Variants in VPS13D observed in about 807,000 individuals in gnomAD.
The protein encoded by VPS13D is vacuolar protein sorting 13 homolog D.
VPS13D carries 187 observed loss-of-function variants against 461.9 expected under a neutral mutation model. The observed-to-expected ratio is 0.40, with a 90% CI of 0.36 to 0.46. The LOEUF (loss-of-function observed/expected upper bound fraction) is 0.46, where lower values mean the gene tolerates loss of function less well. Ranked by LOEUF, VPS13D falls within the 20% of genes least tolerant of loss-of-function variation. The probability of loss-of-function intolerance (pLI) is 0.60; values close to 1 mark genes in which losing one functional copy is unlikely to be tolerated. For missense variants in VPS13D, 4,711 were observed against 5,364.9 expected, an observed-to-expected ratio of 0.88 and a Z score of 3.81; for synonymous variants, 1,951 against 1,986.3, an observed-to-expected ratio of 0.98 and a Z score of 0.47.
rs755926287 is a variant in VPS13D, at chr1:12,282,963, A to G, written c.4861A>G (p.Thr1621Ala). ...EVKSFTQIQA[T>A]FCISELQVQL... The stretch of plus-strand genomic sequence containing the variant: ...CAAATCCTTTACTCAGATTCAAGCC[A>G]CCTTTTGTATATCAGAGCTTCAGGT... Residue 1621 changes from threonine to alanine, a missense_variant, in exon 21 of 70, where the codon ACC becomes GCC. Thr to Ala is a moderately conservative substitution (Grantham distance 58). This residue lies in a region of VPS13D where 4,411 missense variants were observed against 4,937.8 expected (regional missense o/e 0.89). Coordinates refer to ENST00000620676, the MANE Select transcript of VPS13D (RefSeq NM_015378.4). The G allele has an allele frequency of 6.2e-7, 1 of 1,614,068 alleles. No individual in the cohort carries two copies. The highest frequency in any genetic ancestry group is 1.1e-5 in the South Asian group (1 of 91,074).
chr1:12,445,484 C>T (rs1326596355), intron 65 of VPS13D, among the ~76,000 whole-genome samples: 1 of 152,164 alleles, frequency 6.6e-6, no homozygotes, highest in Non-Finnish European at 1.5e-5. Context: ...GACACCAGAT[C>T]TGCTGGAAGT....
At position 12,502,074 on chromosome 1, in the gene VPS13D, G is replaced by A. The variant is rs546082067; in HGVS notation, c.12794+4443G>A. On this transcript the variant is annotated intron_variant, in intron 68 of 69. Coordinates refer to ENST00000620676, the MANE Select transcript of VPS13D (RefSeq NM_015378.4). This position sits in a 1 kb window ranked among gnomAD's most constrained non-coding sequence, Gnocchi z 4.3. Reference sequence around the variant, plus strand: ...GCTGAAGGCTGACCTTAGTGGTCATGCCGAGGAGCTTGCCTCTCCTGTAGG... The same window carrying A: ...GCTGAAGGCTGACCTTAGTGGTCATACCGAGGAGCTTGCCTCTCCTGTAGG... Among the ~76,000 whole-genome samples, 2 of 152,328 alleles carry A rather than the reference G, an allele frequency of 1.3e-5. No individual in the cohort carries two copies. The highest frequency in any genetic ancestry group is 2.1e-4 in the South Asian group (1 of 4,828).
At chr1:12,508,755 G>T in intron 69 of VPS13D, 138 bp from the exon 70 acceptor site, 1 of 925,702 alleles carries the variant, frequency 1.1e-6, no homozygotes. Flanking sequence ...AGCAGGAGCA[G>T]CCCTGGCCAT....
At chr1:12,425,323 C>T (rs557640248) in intron 65 of VPS13D, among the ~76,000 whole-genome samples, 30 of 152,004 alleles carry the variant, frequency 2.0e-4, no homozygotes, top group African/African-American at 6.5e-4. Context: ...TTTGGGAAGC[C>T]GAGGCAGGTG....
intron 21 of VPS13D, among the ~76,000 whole-genome samples, chr1:12,288,015 C>T (rs190618944): frequency 1.3e-5 from 2 of 152,302 alleles, no homozygotes; most frequent in Admixed American, 6.5e-5. Context: ...ACCACAGAAA[C>T]TGAAATTTAG....
intron 35 of VPS13D, among the ~76,000 whole-genome samples, chr1:12,326,668 A>G (rs1475654968): frequency 1.3e-5 from 2 of 148,570 alleles, no homozygotes; most frequent in East Asian, 3.9e-4. Flanking sequence ...TTTGAGGCAG[A>G]GTTTTGCTCT....
intron 67 of VPS13D, among the ~76,000 whole-genome samples, chr1:12,467,634 C>A (rs1390407931): frequency 1.3e-5 from 2 of 152,150 alleles, no homozygotes; most frequent in African/African-American, 4.8e-5. Flanking sequence ...AGGCCCCAGA[C>A]GATGCCATTC....
intron 35 of VPS13D, among the ~76,000 whole-genome samples, 179 bp from the exon 36 acceptor site, chr1:12,327,468 AC>A (rs1643220315): frequency 2.3e-5 from 1 of 42,652 alleles, no homozygotes; most frequent in Non-Finnish European, 4.9e-5. Flanking sequence ...ATTCCCTCCC[AC>A]CCCCCACCCC....
intron 32 of VPS13D, among the ~76,000 whole-genome samples, chr1:12,320,485 T>C (rs1447190134): frequency 6.6e-6 from 1 of 152,212 alleles, no homozygotes; most frequent in African/African-American, 2.4e-5. Context: ...ATAAAACTTA[T>C]TTTCACTGTT....
chr1:12,270,951 C>T (rs569991101), intron 16 of VPS13D, 43 bp from the exon 17 acceptor site: 11 of 1,603,858 alleles, frequency 6.9e-6, no homozygotes, highest in African/African-American at 4.0e-5. Flanking sequence ...TTCACCCAGC[C>T]GTGTGAAAAT....
At chr1:12,290,147 CTTCT>C (rs985284424) in intron 22 of VPS13D, among the ~76,000 whole-genome samples, 11 of 152,236 alleles carry the variant, frequency 7.2e-5, no homozygotes, top group African/African-American at 2.4e-4. Flanking sequence ...TCAGTCACGT[CTTCT>C]TTCTTCTTTC....
At position 12,373,095 on chromosome 1, in the gene VPS13D, G is replaced by GGT. The variant is rs1238171794; in HGVS notation, c.10809-655_10809-654insGT. On this transcript the variant is annotated intron_variant, in intron 54 of 69. Transcript: ENST00000620676. ...TTGGTCCCTTGAATTGTCTGGCTTG[G>GGT]TTTTTTTTTTTTTTTTTTTTTTTTT... Among the ~76,000 whole-genome samples the GGT allele has an allele frequency of 7.8e-4, 29 of 37,242 alleles. No homozygotes were observed. In the East Asian group the frequency reaches 0.014, roughly 18 times the overall value. 24.4% of individuals were successfully genotyped at this position (37,242 alleles called of 152,430 possible). A position where few individuals can be genotyped will look rare whatever the true frequency, so the allele number is the denominator to read the frequency against.
intron 69 of VPS13D, among the ~76,000 whole-genome samples, chr1:12,508,667 G>A (rs1481544349): frequency 2.7e-5 from 4 of 150,526 alleles, no homozygotes; most frequent in African/African-American, 9.8e-5. Flanking sequence ...CCAAGATTGC[G>A]CCTAGGCGAC....
At chr1:12,420,918 C>T (rs1208596535) in intron 65 of VPS13D, among the ~76,000 whole-genome samples, 2 of 152,294 alleles carry the variant, frequency 1.3e-5, no homozygotes, top group African/African-American at 4.8e-5. Context: ...AGGGTTTAGT[C>T]ATCTGTGGAT....
intron 10 of VPS13D, 125 bp from the exon 11 acceptor site, chr1:12,260,568 G>T: frequency 1.4e-6 from 1 of 728,872 alleles, no homozygotes. Context: ...TTGGCCTTCA[G>T]TGGAAATGCA....
In VPS13D at chr1:12,435,452, C is replaced by T. The variant is rs1285329551; in HGVS notation, c.12333+18625C>T. Reference sequence around the variant, plus strand: ...TTCCAGCCTGGGTGACAGAGCAGGACCCTGTCTGAACAACAACAACAAAAA... The same window carrying T: ...TTCCAGCCTGGGTGACAGAGCAGGATCCTGTCTGAACAACAACAACAAAAA... On this transcript the variant is annotated intron_variant, in intron 65 of 69. Transcript: ENST00000620676. 2.0e-5 allele frequency among the ~76,000 whole-genome samples: 3 copies of T among 152,074 alleles called. No individual in the cohort carries two copies. In the East Asian group the frequency reaches 5.8e-4, roughly 29 times the overall value.
chr1:12,245,516 G>A (rs1329626476), intron 5 of VPS13D, among the ~76,000 whole-genome samples: 8 of 152,074 alleles, frequency 5.3e-5, no homozygotes, highest in Admixed American at 1.3e-4. Context: ...AAGGTTGTGC[G>A]TTGGTCACCA....
At chr1:12,363,298 G>A (rs1178173753) in intron 52 of VPS13D, 51 bp downstream of exon 52, 9 of 1,577,674 alleles carry the variant, frequency 5.7e-6, no homozygotes, top group Non-Finnish European at 6.9e-6. Flanking sequence ...TGTTTGAGAT[G>A]CAGTACTGTA....
At chr1:12,468,801 G>A (rs1182989102) in intron 67 of VPS13D, among the ~76,000 whole-genome samples, 2 of 152,238 alleles carry the variant, frequency 1.3e-5, no homozygotes, top group African/African-American at 4.8e-5. Flanking sequence ...GGGAGGCTGG[G>A]GCGGGTAGAT....
Sources: gnomAD v4.1 joint callset for allele counts (sites outside exome capture counted in the v4.1 genomes callset) on GRCh38, gnomAD v4.1.1 for gene constraint, gnomAD v4.1.1 regional missense constraint, Gnocchi (gnomAD v3.1) non-coding constraint, MANE v1.5 for transcripts, NCBI Gene and HGNC (gene_info 2026-07-23, HGNC 2026-07-21) for gene names.